PTPDC1: variants seen among roughly 807,000 people sequenced by gnomAD.
PTPDC1 encodes protein tyrosine phosphatase domain containing 1.
PTPDC1 carries 53 observed loss-of-function variants against 75.3 expected under a neutral mutation model. The observed-to-expected ratio is 0.70, with a 90% CI of 0.56 to 0.88. The LOEUF (loss-of-function observed/expected upper bound fraction) is 0.88, where lower values mean the gene tolerates loss of function less well. Ranked by LOEUF, PTPDC1 falls within the 40% of genes least tolerant of loss-of-function variation. The probability of loss-of-function intolerance (pLI) is 0.00; values close to 1 mark genes in which losing one functional copy is unlikely to be tolerated. For missense variants in PTPDC1, 925 were observed against 998.6 expected (o/e 0.93, Z 0.99); for synonymous variants, 349 against 366.2 (o/e 0.95, Z 0.54).
intron 4 of PTPDC1, among the ~76,000 whole-genome samples, chr9:94,091,513 A>G (rs976081890): frequency 6.6e-6 from 1 of 152,124 alleles, no homozygotes; most frequent in African/African-American, 2.4e-5. Flanking sequence ...TTTTGCATCA[A>G]TGTTCATCAA....
chr9:94,051,041 C>T lies in PTPDC1; in HGVS notation c.-6-13693C>T, dbSNP rs749508783. On this transcript the variant is annotated intron_variant, in intron 1 of 9. Transcript: ENST00000375360. ...TGCGGGATATAATCTCCTGGTGTGC[C>T]GTTTGCTAAGACCATTGGAAAAGTG... is the stretch of plus-strand genomic sequence containing the variant. Among the ~76,000 whole-genome samples the T allele has an allele frequency of 9.9e-5, 15 of 152,164 alleles. 1 individual carries two copies. The highest frequency in any genetic ancestry group is 1.6e-4 in the Non-Finnish European group (11 of 68,026).
intron 8 of PTPDC1, among the ~76,000 whole-genome samples, chr9:94,107,473 T>A (rs1207577548): frequency 6.6e-6 from 1 of 152,246 alleles, no homozygotes; most frequent in East Asian, 1.9e-4. Flanking sequence ...GCAGGACGTA[T>A]ACAGCTGATG....
chr9:94,044,201 G>A lies in PTPDC1; in HGVS notation c.-7+13074G>A, dbSNP rs565718599. Reference sequence around the variant, plus strand: ...ATATGTCTACAAAATACCTGGCTGGGATTTCAATATGAATTTTATTACACC... The same window carrying A: ...ATATGTCTACAAAATACCTGGCTGGAATTTCAATATGAATTTTATTACACC... On this transcript the variant is annotated intron_variant, in intron 1 of 9. Coordinates refer to the PTPDC1 transcript ENST00000375360. Among the ~76,000 whole-genome samples the A allele has an allele frequency of 1.3e-5, 2 of 152,286 alleles. 1 individual carries two copies. Among genetic ancestry groups the A allele is most frequent in the South Asian group, 4.1e-4 (2 of 4,824 alleles).
At chr9:94,046,753 A>C (rs926370829) in intron 1 of PTPDC1, among the ~76,000 whole-genome samples, 1 of 152,118 alleles carries the variant, frequency 6.6e-6, no homozygotes, top group African/African-American at 2.4e-5. Context: ...GGGCTGAGAC[A>C]ATGGGGTTTT....
chr9:94,059,262 C>T (rs1444107606), intron 1 of PTPDC1, among the ~76,000 whole-genome samples: 1 of 152,030 alleles, frequency 6.6e-6, no homozygotes, highest in Non-Finnish European at 1.5e-5. Context: ...TTAGAATAAG[C>T]CTACAGACAA....
intron 7 of PTPDC1, 113 bp downstream of exon 7, chr9:94,101,864 A>G: frequency 1.5e-5 from 9 of 586,552 alleles, no homozygotes; most frequent in Non-Finnish European, 2.3e-5. Flanking sequence ...CCAAATCTAG[A>G]TCTAATTTAA....
chr9:94,074,268 G>A (rs185752437), intron 2 of PTPDC1, among the ~76,000 whole-genome samples: 15 of 152,198 alleles, frequency 9.9e-5, no homozygotes, highest in Non-Finnish European at 1.9e-4. Context: ...TGGGTGCTTC[G>A]AAACACTGCC....
chr9:94,098,768 T>C lies in PTPDC1; in HGVS notation c.2013+189T>C, dbSNP rs546735236. ...ATAGAAAAAACACAGGGTGTTTGTA[T>C]GGTTTCATTTAAATCTGCATACTCA... On this transcript the variant is annotated intron_variant, in intron 6 of 8. Coordinates refer to ENST00000620992, the MANE Select transcript of PTPDC1 (RefSeq NM_001253829.2). 11 of 611,748 alleles carry C rather than the reference T, an allele frequency of 1.8e-5. No individual in the cohort carries two copies. The South Asian group carries it at 2.2e-4, about 12-fold the overall frequency. The allele number at this position is 611,748 out of a possible 1,614,324, so 37.9% of individuals were successfully genotyped here.
intron 5 of PTPDC1, among the ~76,000 whole-genome samples, chr9:94,096,644 T>G (rs1827579673): frequency 6.6e-6 from 1 of 152,212 alleles, no homozygotes; most frequent in Admixed American, 6.5e-5. Context: ...CCACTAAGCC[T>G]GGCTTCCTTA....
chr9:94,089,326 G>C (rs924849874), intron 4 of PTPDC1, among the ~76,000 whole-genome samples: 7 of 149,814 alleles, frequency 4.7e-5, no homozygotes, highest in South Asian at 2.1e-4. Flanking sequence ...GAGAATATGC[G>C]GTGTTTGCTT....
intron 2 of PTPDC1, among the ~76,000 whole-genome samples, chr9:94,077,029 A>G (rs952533888): frequency 6.6e-6 from 1 of 152,180 alleles, no homozygotes; most frequent in Non-Finnish European, 1.5e-5. Context: ...AATTATTGAG[A>G]TATAAGTCAC....
At chr9:94,079,257 G>A (rs1427184295) in intron 2 of PTPDC1, among the ~76,000 whole-genome samples, 1 of 152,114 alleles carries the variant, frequency 6.6e-6, no homozygotes, top group African/African-American at 2.4e-5. Flanking sequence ...CATGGCCTTG[G>A]TCAAGCAAAC....
intron 7 of PTPDC1, 143 bp downstream of exon 7, chr9:94,101,894 G>A: frequency 1.9e-6 from 1 of 536,630 alleles, no homozygotes; most frequent in Non-Finnish European, 3.2e-6. Flanking sequence ...CAAGAGAAGA[G>A]AAGAAACTGA....
chr9:94,053,168 G>A (rs1294431998), intron 1 of PTPDC1, among the ~76,000 whole-genome samples: 1 of 151,998 alleles, frequency 6.6e-6, no homozygotes, highest in Non-Finnish European at 1.5e-5. Flanking sequence ...CTTCTCTAGG[G>A]TATATTTGAG....
chr9:94,042,596 C>A (rs1355799821), intron 1 of PTPDC1, among the ~76,000 whole-genome samples: 1 of 152,190 alleles, frequency 6.6e-6, no homozygotes, highest in Non-Finnish European at 1.5e-5. Context: ...GAGTTGTAAT[C>A]TGTTTTGGTT....
chr9:94,086,027 T>C (rs1827062826), intron 2 of PTPDC1, among the ~76,000 whole-genome samples: 1 of 152,228 alleles, frequency 6.6e-6, no homozygotes, highest in South Asian at 2.1e-4. Context: ...TGTAGTAACA[T>C]CTGAAAAATT....
chr9:94,074,572 C>T (rs1212050995), intron 2 of PTPDC1, among the ~76,000 whole-genome samples: 4 of 152,114 alleles, frequency 2.6e-5, no homozygotes, highest in Non-Finnish European at 4.4e-5. Context: ...CACTCCCCAC[C>T]ACCTCTTTCC....
At chr9:94,051,657 G>A (rs1303144536) in intron 1 of PTPDC1, among the ~76,000 whole-genome samples, 1 of 152,080 alleles carries the variant, frequency 6.6e-6, no homozygotes, top group Non-Finnish European at 1.5e-5. Flanking sequence ...TCAGGTATAG[G>A]ATTATTCATT....
intron 2 of PTPDC1, among the ~76,000 whole-genome samples, chr9:94,068,618 G>A (rs1826402754): frequency 6.6e-5 from 10 of 152,116 alleles, no homozygotes; most frequent in Admixed American, 6.5e-4. Flanking sequence ...ATATTTTAAG[G>A]AGAGATGATT....
Sources: gnomAD v4.1 joint callset for allele counts (sites outside exome capture counted in the v4.1 genomes callset) on GRCh38, gnomAD v4.1.1 for gene constraint, MANE v1.5 for transcripts, NCBI Gene and HGNC (gene_info 2026-07-23, HGNC 2026-07-21) for gene names.